Variants in LAPTM4B observed in about 807,000 individuals in gnomAD.
The protein encoded by LAPTM4B is lysosomal protein transmembrane 4 beta, also known as lysosomal-associated transmembrane protein 4B.
In LAPTM4B, 26 loss-of-function variants were observed where a neutral mutation model predicts 28.5. That is an observed-to-expected ratio of 0.91 (90% confidence interval 0.67 to 1.27). The LOEUF (loss-of-function observed/expected upper bound fraction) is 1.27. Ranked by LOEUF, LAPTM4B falls within the 50% of genes most tolerant of loss-of-function variation. The pLI is 0.00. For missense variants in LAPTM4B, 288 were observed against 285.8 expected, an observed-to-expected ratio of 1.01 and a Z score of -0.06; for synonymous variants, 109 against 106.4, an observed-to-expected ratio of 1.02 and a Z score of -0.15.
At chr8:97,783,530 A>G (rs1480152512) in intron 1 of LAPTM4B, among the ~76,000 whole-genome samples, 1 of 152,170 alleles carries the variant, frequency 6.6e-6, no homozygotes, top group Non-Finnish European at 1.5e-5. Flanking sequence ...GCATTAGTGA[A>G]ATAAACAGCC....
chr8:97,790,427 T>G (rs1373266760), intron 1 of LAPTM4B, among the ~76,000 whole-genome samples: 1 of 151,764 alleles, frequency 6.6e-6, no homozygotes, highest in Non-Finnish European at 1.5e-5. Context: ...TTCTCCTGCC[T>G]CAGCTTCCTG....
At chr8:97,822,305 G>C (rs1251209017) in intron 5 of LAPTM4B, among the ~76,000 whole-genome samples, 1 of 151,968 alleles carries the variant, frequency 6.6e-6, no homozygotes, top group African/African-American at 2.4e-5. Flanking sequence ...TAAAATTTGT[G>C]TGTGTGAGTA....
chr8:97,791,236 C>T (rs765575209), intron 1 of LAPTM4B, among the ~76,000 whole-genome samples: 1 of 152,128 alleles, frequency 6.6e-6, no homozygotes, highest in Non-Finnish European at 1.5e-5. Context: ...GTTTAGGTCT[C>T]CATTGTCCAT....
intron 2 of LAPTM4B, among the ~76,000 whole-genome samples, chr8:97,812,614 C>T (rs1427567711): frequency 6.6e-6 from 1 of 152,210 alleles, no homozygotes; most frequent in Non-Finnish European, 1.5e-5. Context: ...AGCCATTTTA[C>T]TATTCTTCTC....
chr8:97,825,296 G>T, intron 6 of LAPTM4B, 143 bp downstream of exon 6: 1 of 499,814 alleles, frequency 2.0e-6, no homozygotes, highest in South Asian at 3.6e-5. Flanking sequence ...ATTCATCTTA[G>T]TTATCAAAAT....
At chr8:97,820,992 G>T (rs1308237646) in intron 5 of LAPTM4B, among the ~76,000 whole-genome samples, 1 of 151,288 alleles carries the variant, frequency 6.6e-6, no homozygotes, top group Non-Finnish European at 1.5e-5. Flanking sequence ...CTCCCAAAGT[G>T]CTGGAATTAC....
chr8:97,819,193 G>A lies in LAPTM4B; in HGVS notation c.462G>A (p.Leu154=). ...TCATGTCAGTGAATCCTACCTGTTT[G>A]GTCCTTATTATTCTTCTGTTTATTA... ...DDVMSVNPTC[L]VLIILLFISI... is the part of the protein sequence containing the mutation. The change falls in exon 5 of 7, where the codon TTG becomes TTA. Residue 154 remains leucine (L), a synonymous_variant. Coordinates refer to ENST00000521545, the MANE Select transcript of LAPTM4B (RefSeq NM_018407.6). 6.2e-7 allele frequency: 1 copy of A among 1,609,506 alleles called. No homozygotes were observed. Among genetic ancestry groups the A allele is most frequent in the South Asian group, 1.1e-5 (1 of 90,700 alleles).
intron 1 of LAPTM4B, among the ~76,000 whole-genome samples, chr8:97,777,727 T>C (rs540975895): frequency 2.0e-5 from 3 of 152,360 alleles, no homozygotes; most frequent in Non-Finnish European, 4.4e-5. Flanking sequence ...TACTGTGCAG[T>C]GTAAATACAG....
Position 97,805,341 on chromosome 8 carries a change from T to TC in LAPTM4B, c.100-12_100-11insC. The TC allele has an allele frequency of 7.4e-7, 1 of 1,348,534 alleles. No homozygotes were observed. Among genetic ancestry groups the TC allele is most frequent in the Non-Finnish European group, 1.0e-6 (1 of 962,640 alleles). 83.5% of individuals were successfully genotyped at this position (1,348,534 alleles called of 1,614,324 possible). Reference sequence around the variant, plus strand: ...CTTAAATTCTTTTTTTTTTTTTTTTTTCTTGTTGCAGATCATCAATGCTGT... The same window carrying TC: ...CTTAAATTCTTTTTTTTTTTTTTTTTCTCTTGTTGCAGATCATCAATGCTGT... On this transcript the variant is annotated splice_polypyrimidine_tract_variant and intron_variant, in intron 1 of 6. Coordinates refer to ENST00000521545, the MANE Select transcript of LAPTM4B (RefSeq NM_018407.6).
At chr8:97,849,765 A>G (rs1382469132) in intron 6 of LAPTM4B, among the ~76,000 whole-genome samples, 1 of 152,098 alleles carries the variant, frequency 6.6e-6, no homozygotes, top group Admixed American at 6.5e-5. Flanking sequence ...CCAGGCCAGT[A>G]GGGGGCACTG....
At chr8:97,779,673 T>C (rs1816279545) in intron 1 of LAPTM4B, among the ~76,000 whole-genome samples, 1 of 150,336 alleles carries the variant, frequency 6.7e-6, no homozygotes. Context: ...TAATCCCAGC[T>C]ACTCAGGAGG....
chr8:97,822,124 C>G (rs1412024101), intron 5 of LAPTM4B, among the ~76,000 whole-genome samples: 1 of 152,102 alleles, frequency 6.6e-6, no homozygotes, highest in Non-Finnish European at 1.5e-5. Context: ...ATGTTGTCCT[C>G]TGACCTCCAA....
intron 4 of LAPTM4B, among the ~76,000 whole-genome samples, chr8:97,816,486 G>A (rs929393316): frequency 1.3e-5 from 2 of 151,976 alleles, no homozygotes; most frequent in African/African-American, 4.8e-5. Flanking sequence ...TAGTAGAGAT[G>A]GGGTTTCACT....
chr8:97,813,502 C>T (rs1439509761), intron 2 of LAPTM4B, among the ~76,000 whole-genome samples: 6 of 152,342 alleles, frequency 3.9e-5, no homozygotes, highest in Non-Finnish European at 7.3e-5. Flanking sequence ...CCTTTGGCAA[C>T]GCCCTCACAG....
chr8:97,779,029 GATGGAATGGAGTCAATTATCAGA>G (rs1369802640), intron 1 of LAPTM4B, among the ~76,000 whole-genome samples: 1 of 152,182 alleles, frequency 6.6e-6, no homozygotes, highest in Non-Finnish European at 1.5e-5. Context: ...CAGCCATCTG[GATGGAATGGAGTCAATTATCAGA>G]AAGTGGAGAG....
chr8:97,843,740 T>C (rs535201794), intron 6 of LAPTM4B, among the ~76,000 whole-genome samples: 42 of 151,912 alleles, frequency 2.8e-4, no homozygotes, highest in Admixed American at 2.7e-3. Flanking sequence ...GATTGCAGCA[T>C]TGCACTCCAG....
At chr8:97,793,428 T>A (rs1816534180) in intron 1 of LAPTM4B, among the ~76,000 whole-genome samples, 2 of 152,126 alleles carry the variant, frequency 1.3e-5, no homozygotes, top group Admixed American at 1.3e-4. Flanking sequence ...CTGAAGCAAA[T>A]CTGAGTGATT....
Position 97,775,937 on chromosome 8 carries a change from C to CGGCGGGCTCCAGGTGA in LAPTM4B, c.-60_-59insTGAGGCGGGCTCCAGG. On this transcript the variant is annotated 5_prime_UTR_variant, in exon 1 of 7. Coordinates refer to ENST00000521545, the MANE Select transcript of LAPTM4B (RefSeq NM_018407.6). ...GGCGGAGGAGCCGGCAGCAGCGGCG[C>CGGCGGGCTCCAGGTGA]GGCGGGCTCCAGGCGAGGCGGTCGA... 6.9e-7 allele frequency: 1 copy of CGGCGGGCTCCAGGTGA among 1,451,680 alleles called. No homozygotes were observed. The highest frequency in any genetic ancestry group is 9.0e-7 in the Non-Finnish European group (1 of 1,108,948). The allele number at this position is 1,451,680 out of a possible 1,614,324, so 89.9% of individuals were successfully genotyped here. A position where few individuals can be genotyped will look rare whatever the true frequency, so the allele number is the denominator to read the frequency against.
chr8:97,838,189 G>C (rs1817290553), intron 6 of LAPTM4B, among the ~76,000 whole-genome samples: 1 of 152,164 alleles, frequency 6.6e-6, no homozygotes, highest in Admixed American at 6.5e-5. Flanking sequence ...GCTTTCTTGT[G>C]TGTGACTGTC....
Sources: allele counts gnomAD v4.1 joint callset (sites outside exome capture counted in the v4.1 genomes callset), GRCh38; gene constraint gnomAD v4.1.1; transcripts MANE v1.5; gene names NCBI Gene and HGNC (gene_info 2026-07-23, HGNC 2026-07-21).